SMOC1: variants seen among roughly 807,000 people sequenced by gnomAD.
SMOC1 encodes SPARC-related modular calcium-binding protein 1.
SMOC1 carries 22 observed loss-of-function variants against 56.3 expected under a neutral mutation model. That is an observed-to-expected ratio of 0.39 (90% CI 0.28 to 0.56). The LOEUF is 0.56. SMOC1 is among the 20% of genes least tolerant of loss of function. SMOC1 has a pLI of 0.61. For missense variants in SMOC1, 509 were observed against 565.4 expected, an observed-to-expected ratio of 0.90 and a Z score of 1.01; for synonymous variants, 193 against 215.0, an observed-to-expected ratio of 0.90 and a Z score of 0.89.
chr14:69,977,899 G>A lies in SMOC1; in HGVS notation c.479-19G>A, dbSNP rs1337196068. ...ATGCATTCTGAGTGGCTATGTTTTT[G>A]TTTCCCTTCTCACCCAAGGTTCAGT... On this transcript the variant is annotated intron_variant, in intron 4 of 11. Coordinates refer to ENST00000361956, the MANE Select transcript of SMOC1 (RefSeq NM_001034852.3). 1 of 1,612,944 alleles carries A rather than the reference G, an allele frequency of 6.2e-7. No individual in the cohort carries two copies. Among genetic ancestry groups the A allele is most frequent in the South Asian group, 1.1e-5 (1 of 91,056 alleles).
chr14:69,901,523 C>T (rs1884241691), intron 1 of SMOC1, among the ~76,000 whole-genome samples: 1 of 152,108 alleles, frequency 6.6e-6, no homozygotes, highest in Non-Finnish European at 1.5e-5. Flanking sequence ...ATGAGTTGGC[C>T]TATAATGGGG....
In SMOC1 at chr14:70,013,417, C is replaced by T; in HGVS notation, c.972C>T (p.Ile324=). ...CAGAAGGGAAGAAAATGGAGTTTAT[C>T]ACCAGCCTACTGGATGCTCTCACCA... is the stretch of plus-strand genomic sequence containing the variant. ...GCPEGKKMEF[I]TSLLDALTTD... The change falls in exon 10 of 12, where the codon ATC becomes ATT. Residue 324 remains isoleucine, a synonymous_variant. Coordinates refer to ENST00000361956, the MANE Select transcript of SMOC1 (RefSeq NM_001034852.3). 3 of 1,614,166 alleles carry T rather than the reference C, an allele frequency of 1.9e-6. No homozygotes were observed. The highest frequency in any genetic ancestry group is 1.7e-4 in the Middle Eastern group (1 of 6,060).
In SMOC1 at chr14:69,990,147, A is replaced by AC. The variant is rs1884510020; in HGVS notation, c.527-2268dup. The stretch of plus-strand genomic sequence containing the variant: ...TCTGGGAAATCTGTGGAGGTCCTTG[A>AC]CCTGCAAAAGGGCAAAGCTTCCCCA... On this transcript the variant is annotated intron_variant, in intron 5 of 11. Transcript: ENST00000361956. Among the ~76,000 whole-genome samples, 5 of 152,286 alleles carry AC rather than the reference A, an allele frequency of 3.3e-5. 1 individual carries two copies. The South Asian group carries it at 1.0e-3, about 32-fold the overall frequency.
intron 1 of SMOC1, among the ~76,000 whole-genome samples, chr14:69,940,449 A>G (rs1882508435): frequency 6.6e-6 from 1 of 152,236 alleles, no homozygotes; most frequent in Admixed American, 6.5e-5. Flanking sequence ...CAGATCTCAT[A>G]GGAGTGTTCA....
intron 10 of SMOC1, among the ~76,000 whole-genome samples, chr14:70,022,999 T>A (rs2139614491): frequency 6.6e-6 from 1 of 152,006 alleles, no homozygotes; most frequent in Non-Finnish European, 1.5e-5. Context: ...ACCTGGGGAG[T>A]CCTGAGAAAA....
intron 10 of SMOC1, among the ~76,000 whole-genome samples, chr14:70,022,407 G>C (rs1885758498): frequency 6.6e-6 from 1 of 152,210 alleles, no homozygotes; most frequent in Non-Finnish European, 1.5e-5. Context: ...AGTGTTCTTG[G>C]TGACTCTAGT....
At chr14:69,888,559 G>A (rs749197083) in intron 1 of SMOC1, among the ~76,000 whole-genome samples, 9 of 152,304 alleles carry the variant, frequency 5.9e-5, no homozygotes, top group Non-Finnish European at 1.0e-4. Flanking sequence ...CAGGCATAAT[G>A]TGTTTTGAAA....
At chr14:69,938,897 A>G (rs1403701696) in intron 1 of SMOC1, among the ~76,000 whole-genome samples, 1 of 152,174 alleles carries the variant, frequency 6.6e-6, no homozygotes, top group Non-Finnish European at 1.5e-5. Context: ...CTTGAACAAG[A>G]GCCAGTGATT....
At chr14:69,972,244 A>G (rs1594831443) in intron 3 of SMOC1, among the ~76,000 whole-genome samples, 1 of 152,240 alleles carries the variant, frequency 6.6e-6, no homozygotes, top group Non-Finnish European at 1.5e-5. Flanking sequence ...CTTTTTCTGC[A>G]AGAAGTCACC....
At chr14:69,994,721 T>C (rs1019395290) in intron 7 of SMOC1, among the ~76,000 whole-genome samples, 10 of 152,260 alleles carry the variant, frequency 6.6e-5, no homozygotes, top group African/African-American at 1.9e-4. Context: ...TCTTTGACTG[T>C]ATATTATAAT....
chr14:70,024,533 C>A (rs1046341844), intron 11 of SMOC1, among the ~76,000 whole-genome samples: 26 of 152,058 alleles, frequency 1.7e-4, no homozygotes, highest in African/African-American at 5.8e-4. Flanking sequence ...AATTTGCCAA[C>A]CCATGGTCTA....
chr14:70,024,295 G>T (rs1285156315), intron 11 of SMOC1, among the ~76,000 whole-genome samples: 2 of 152,154 alleles, frequency 1.3e-5, no homozygotes, highest in Non-Finnish European at 2.9e-5. Flanking sequence ...CTAAGGGACA[G>T]ACAGCCTTGA....
At chr14:69,980,068 G>A (rs976040952) in intron 5 of SMOC1, among the ~76,000 whole-genome samples, 80 of 152,316 alleles carry the variant, frequency 5.3e-4, no homozygotes, top group Non-Finnish European at 9.7e-4. Flanking sequence ...TGGAAGTGGG[G>A]GGGTGAGGGT....
In SMOC1 at chr14:69,911,951, C is replaced by T. The variant is rs565095291; in HGVS notation, c.99+32174C>T. Among the ~76,000 whole-genome samples, 11 of 152,282 alleles carry T rather than the reference C, an allele frequency of 7.2e-5. No homozygotes were observed. The East Asian group carries it at 1.7e-3, about 24-fold the overall frequency. ...CACACTGTTTTCCAGAGTGACTGTA[C>T]CATTTCGCATCCCCACCATCCATGT... On this transcript the variant is annotated intron_variant, in intron 1 of 11. Coordinates refer to ENST00000361956, the MANE Select transcript of SMOC1 (RefSeq NM_001034852.3).
chr14:69,881,076 A>G (rs1327628588), intron 1 of SMOC1, among the ~76,000 whole-genome samples: 1 of 152,230 alleles, frequency 6.6e-6, no homozygotes, highest in East Asian at 1.9e-4. Flanking sequence ...AGCAGCAGTT[A>G]AAGTGTGGCA....
chr14:69,926,333 T>G (rs1390307468), intron 1 of SMOC1, among the ~76,000 whole-genome samples: 1 of 152,156 alleles, frequency 6.6e-6, no homozygotes, highest in Non-Finnish European at 1.5e-5. Context: ...CTGGATTGGA[T>G]TTTTGCATTT....
intron 1 of SMOC1, among the ~76,000 whole-genome samples, chr14:69,920,780 G>A (rs1365799270): frequency 6.6e-6 from 1 of 152,194 alleles, no homozygotes; most frequent in Non-Finnish European, 1.5e-5. Flanking sequence ...GAGAGGGCTG[G>A]CTTGAGGATT....
chr14:69,957,502 A>G (rs1181544369), intron 3 of SMOC1, among the ~76,000 whole-genome samples: 1 of 152,200 alleles, frequency 6.6e-6, no homozygotes, highest in Non-Finnish European at 1.5e-5. Flanking sequence ...CCTAATATCC[A>G]AGGCTGTGCT....
intron 1 of SMOC1, among the ~76,000 whole-genome samples, chr14:69,887,835 G>A (rs1344929795): frequency 6.6e-6 from 1 of 152,202 alleles, no homozygotes; most frequent in Non-Finnish European, 1.5e-5. Context: ...TGATGCATGG[G>A]TCAGAAACTT....
Sources: gnomAD v4.1 joint callset for allele counts (sites outside exome capture counted in the v4.1 genomes callset) on GRCh38, gnomAD v4.1.1 for gene constraint, MANE v1.5 for transcripts, NCBI Gene and HGNC (gene_info 2026-07-23, HGNC 2026-07-21) for gene names.